The following SLC35F6 variants were observed in gnomAD, a reference collection of about 807,000 sequenced individuals.
SLC35F6 encodes ANT2-binding protein.
Under a neutral mutation model 29.4 loss-of-function variants are expected in SLC35F6, and 26 were observed. The ratio of observed to expected loss-of-function variants is 0.89; its 90% CI spans 0.65 to 1.23. The LOEUF (loss-of-function observed/expected upper bound fraction) is 1.23, where lower values mean the gene tolerates loss of function less well. SLC35F6 is among the 50% of genes most tolerant of loss of function. SLC35F6 has a pLI of 0.00. For missense variants in SLC35F6, 428 were observed against 487.8 expected (o/e 0.88, Z 1.15); for synonymous variants, 174 against 206.6 (o/e 0.84, Z 1.35).
chr2:26,778,586 C>T lies in SLC35F6; in HGVS notation c.*75C>T. 7.2e-7 allele frequency: 1 copy of T among 1,392,396 alleles called. No individual in the cohort carries two copies. Among genetic ancestry groups the T allele is most frequent in the South Asian group, 1.4e-5 (1 of 70,842 alleles). 86.3% of individuals were successfully genotyped at this position (1,392,396 alleles called of 1,614,324 possible). A position where few individuals can be genotyped will look rare whatever the true frequency, so the allele number is the denominator to read the frequency against. On this transcript the variant is annotated 3_prime_UTR_variant, in exon 6 of 6. Transcript: ENST00000344420. ...CTGAGGCCACACAGGCTGGTGGGCC[C>T]CGAATGCCCTATCCCCAAGGCCTCA...
intron 1 of SLC35F6, among the ~76,000 whole-genome samples, chr2:26,766,585 G>T (rs918419127): frequency 7.2e-6 from 1 of 139,288 alleles, no homozygotes; most frequent in Admixed American, 7.5e-5. Context: ...GTGACAGAGT[G>T]AGACTCGGTC....
rs1281320672 is a variant in SLC35F6 at position 26,775,793 on chromosome 2, G to C, written c.535+117G>C. The C allele has an allele frequency of 7.6e-6, 9 of 1,181,390 alleles. No individual in the cohort carries two copies. The East Asian group carries it at 2.1e-4, about 27-fold the overall frequency. The allele number at this position is 1,181,390 out of a possible 1,614,324, so 73.2% of individuals were successfully genotyped here. A position where few individuals can be genotyped will look rare whatever the true frequency, so the allele number is the denominator to read the frequency against. ...CATATACCAAGCCCTGGGTGAGGTG[G>C]GTAGCTCTGGAGGTGATGGATAGAA... On this transcript the variant is annotated intron_variant, in intron 4 of 5. Transcript: ENST00000344420. The surrounding 1 kb of genome is among the most constrained non-coding windows in gnomAD (Gnocchi z 4.6).
At position 26,778,969 on chromosome 2, in the gene SLC35F6, GCT is replaced by G. The variant is rs1664358202; in HGVS notation, c.*461_*462del. The stretch of plus-strand genomic sequence containing the variant: ...TTTTTTTTTTTTGAGACAGAGTCTC[GCT>G]CTGTCGCCCAGGCTGGAGTGCAGTG... On this transcript the variant is annotated 3_prime_UTR_variant, in exon 6 of 6. Transcript: ENST00000344420. 1.3e-5 allele frequency: 2 copies of G among 151,140 alleles called. No homozygotes were observed. Among genetic ancestry groups the G allele is most frequent in the South Asian group, 4.2e-4 (2 of 4,816 alleles). The allele number at this position is 151,140 out of a possible 1,614,324, so 9.4% of individuals were successfully genotyped here. A position where few individuals can be genotyped will look rare whatever the true frequency, so the allele number is the denominator to read the frequency against.
At position 26,775,428 on chromosome 2, in the gene SLC35F6, T is replaced by C; in HGVS notation, c.323-36T>C. ...CCTTAGTGACAGATGGCCTTCGCCT[T>C]GGGAAGCTAACTGTAATTTGTTTCT... On this transcript the variant is annotated intron_variant, in intron 3 of 5. Transcript: ENST00000344420. This position sits in a 1 kb window ranked among gnomAD's most constrained non-coding sequence, Gnocchi z 4.6. 1 of 1,603,298 alleles carries C rather than the reference T, an allele frequency of 6.2e-7. No homozygotes were observed. Among genetic ancestry groups the C allele is most frequent in the South Asian group, 1.1e-5 (1 of 89,972 alleles).
rs2148058698 is a variant in SLC35F6, at chr2:26,775,401, C to G, written c.323-63C>G. The G allele has an allele frequency of 6.4e-7, 1 of 1,571,800 alleles. No individual in the cohort carries two copies. Among genetic ancestry groups the G allele is most frequent in the East Asian group, 2.3e-5 (1 of 44,432 alleles). ...AGCTTGGCATGTCTATCACCAAAGA[C>G]CCCTTAGTGACAGATGGCCTTCGCC... is the stretch of plus-strand genomic sequence containing the variant. On this transcript the variant is annotated intron_variant, in intron 3 of 5. Transcript: ENST00000344420. The surrounding 1 kb of genome is among the most constrained non-coding windows in gnomAD (Gnocchi z 4.6).
Position 26,779,515 on chromosome 2 carries a change from G to GT in SLC35F6, c.*1012dup, listed in dbSNP as rs200004019. 174 of 152,136 alleles carry GT rather than the reference G, an allele frequency of 1.1e-3. 1 individual carries two copies. The highest frequency in any genetic ancestry group is 8.1e-3 in the South Asian group (39 of 4,804). 9.4% of individuals were successfully genotyped at this position (152,136 alleles called of 1,614,324 possible). ...GCCCACAGCACCACCCTTCTGTGCT[G>GT]TTTTTTTTGTTGTTTGTTTGTTTCT... is the stretch of plus-strand genomic sequence containing the variant. On this transcript the variant is annotated 3_prime_UTR_variant, in exon 6 of 6. Transcript: ENST00000344420.
In SLC35F6 at chr2:26,764,294, C is replaced by G; in HGVS notation, c.-56C>G. On this transcript the variant is annotated 5_prime_UTR_variant, in exon 1 of 6. Transcript: ENST00000344420. Reference sequence around the variant, plus strand: ...GGCCCGGAAGCGCTCGCGCAGGAGACCCCGGGTGACGGGGCCCGGCGCCGC... The same window carrying G: ...GGCCCGGAAGCGCTCGCGCAGGAGAGCCCGGGTGACGGGGCCCGGCGCCGC... 1 of 1,541,380 alleles carries G rather than the reference C, an allele frequency of 6.5e-7. No homozygotes were observed. Among genetic ancestry groups the G allele is most frequent in the South Asian group, 1.2e-5 (1 of 83,640 alleles).
At chr2:26,769,765 C>T (rs898072625) in intron 1 of SLC35F6, among the ~76,000 whole-genome samples, 7 of 152,120 alleles carry the variant, frequency 4.6e-5, no homozygotes, top group African/African-American at 1.2e-4. Context: ...GCTGGGGCCA[C>T]GCTGAACCCA....
Position 26,778,183 on chromosome 2 carries a change from C to G in SLC35F6, c.788C>G (p.Ala263Gly), listed in dbSNP as rs757357044. ...FCQVGQQPLI[A>G]VALLGNISSI... The stretch of plus-strand genomic sequence containing the variant: ...CAGGTGGGCCAGCAGCCGCTCATTG[C>G]CGTGGCACTGCTGGGCAACATCAGC... Residue 263 changes from alanine to glycine, a missense_variant, in exon 6 of 6, where the codon GCC becomes GGC. Physicochemically the swap from Ala to Gly is moderately conservative, Grantham distance 60. Transcript: ENST00000344420. 2 of 1,614,204 alleles carry G rather than the reference C, an allele frequency of 1.2e-6. No homozygotes were observed. The highest frequency in any genetic ancestry group is 1.3e-5 in the African/African-American group (1 of 75,058).
At chr2:26,776,809 A>G (rs1664309498) in intron 5 of SLC35F6, among the ~76,000 whole-genome samples, 1 of 152,164 alleles carries the variant, frequency 6.6e-6, no homozygotes, top group Non-Finnish European at 1.5e-5. Context: ...GGAGGGTGGC[A>G]TTCGAGCTGC....
intron 1 of SLC35F6, among the ~76,000 whole-genome samples, chr2:26,769,590 T>C (rs1424234585): frequency 6.6e-6 from 1 of 152,262 alleles, no homozygotes; most frequent in Non-Finnish European, 1.5e-5. Flanking sequence ...CCTGGGTTCC[T>C]GTCTGTCAAA....
At chr2:26,776,241 G>A in intron 4 of SLC35F6, 131 bp from the exon 5 acceptor site, 1 of 716,024 alleles carries the variant, frequency 1.4e-6, no homozygotes, top group Admixed American at 2.6e-5. Context: ...AGGCAGTGGT[G>A]ACTGTGCCTA....
At chr2:26,773,658 G>A (rs1356480261) in intron 1 of SLC35F6, among the ~76,000 whole-genome samples, 1 of 150,016 alleles carries the variant, frequency 6.7e-6, no homozygotes, top group East Asian at 2.0e-4. Flanking sequence ...CATCACCTAG[G>A]CTGGAGTGCA....
chr2:26,775,054 T>C lies in SLC35F6; in HGVS notation c.161T>C (p.Met54Thr). Residue 54 changes from methionine (M) to threonine (T), a missense_variant, in exon 3 of 6, where the codon ATG becomes ACG. Physicochemically the swap from Met to Thr is moderately conservative, Grantham distance 81. Transcript: ENST00000344420. The surrounding 1 kb of genome is among the most constrained non-coding windows in gnomAD (Gnocchi z 4.6). ...TTTTCATCCCTGCAGGCAGTGGGCA[T>C]GTTCCTGGGAGAATTCTCCTGCCTG... ...FQHPFLQAVG[M>T]FLGEFSCLAA... 6.2e-7 allele frequency: 1 copy of C among 1,613,638 alleles called. No individual in the cohort carries two copies. The highest frequency in any genetic ancestry group is 1.3e-5 in the African/African-American group (1 of 75,004).
rs79875510 is a variant in SLC35F6 at position 26,771,301 on chromosome 2, C to A, written c.78-2950C>A. On this transcript the variant is annotated intron_variant, in intron 1 of 5. Coordinates refer to ENST00000344420, the MANE Select transcript of SLC35F6 (RefSeq NM_017877.4). ...TGGAAATGTGGCCTCAGCTTCCATA[C>A]CTGCCCCCTACAGACAAAAATAATA... is the stretch of plus-strand genomic sequence containing the variant. Among the ~76,000 whole-genome samples, 342 of 152,346 alleles carry A rather than the reference C, an allele frequency of 2.2e-3. 3 individuals are homozygous for A. Among genetic ancestry groups the A allele is most frequent in the African/African-American group, 8.1e-3 (335 of 41,578 alleles).
rs1572636666 is a variant in SLC35F6, at chr2:26,780,368, C to T, written c.*1857C>T. The T allele has an allele frequency of 6.6e-6, 1 of 152,152 alleles. No homozygotes were observed. The highest frequency in any genetic ancestry group is 2.4e-5 in the African/African-American group (1 of 41,426). The allele number at this position is 152,152 out of a possible 1,614,324, so 9.4% of individuals were successfully genotyped here. ...CACATGATTCTGCAGCAGACAGGGA[C>T]CTAGAGCACATCTGGATCTCAGCCC... On this transcript the variant is annotated 3_prime_UTR_variant, in exon 6 of 6. Coordinates refer to ENST00000344420, the MANE Select transcript of SLC35F6 (RefSeq NM_017877.4).
chr2:26,776,514 G>C (rs370099948), intron 5 of SLC35F6, 32 bp downstream of exon 5: 16 of 1,595,982 alleles, frequency 1.0e-5, no homozygotes, highest in Non-Finnish European at 1.3e-5. Context: ...TGGAAGGAGT[G>C]GGGTAGAAGG....
chr2:26,778,868 C>A lies in SLC35F6; in HGVS notation c.*357C>A. 2 of 240,552 alleles carry A rather than the reference C, an allele frequency of 8.3e-6. No individual in the cohort carries two copies. The highest frequency in any genetic ancestry group is 2.2e-5 in the African/African-American group (1 of 44,780). 14.9% of individuals were successfully genotyped at this position (240,552 alleles called of 1,614,324 possible). A position where few individuals can be genotyped will look rare whatever the true frequency, so the allele number is the denominator to read the frequency against. On this transcript the variant is annotated 3_prime_UTR_variant, in exon 6 of 6. Transcript: ENST00000344420. The stretch of plus-strand genomic sequence containing the variant: ...TATCATAGTTATCTAGTTTATGAGT[C>A]ATAAGCTAGATTTGATTCTTCAAAG...
intron 1 of SLC35F6, among the ~76,000 whole-genome samples, chr2:26,770,104 G>C (rs572467323): frequency 1.3e-5 from 2 of 152,314 alleles, no homozygotes; most frequent in South Asian, 2.1e-4. Flanking sequence ...CCTATGAATT[G>C]TGCATTTAAG....
Sources: allele counts gnomAD v4.1 joint callset (sites outside exome capture counted in the v4.1 genomes callset), GRCh38; gene constraint gnomAD v4.1.1; non-coding constraint Gnocchi (gnomAD v3.1); transcripts MANE v1.5; gene names NCBI Gene and HGNC (gene_info 2026-07-23, HGNC 2026-07-21).